Variants in TRPC5 observed in about 807,000 individuals in gnomAD.
TRPC5 encodes transient receptor potential cation channel subfamily C member 5.
TRPC5 carries 9 observed loss-of-function variants against 56.5 expected under a neutral mutation model. The observed-to-expected ratio is 0.16, with a 90% CI of 0.10 to 0.28. The LOEUF (loss-of-function observed/expected upper bound fraction) is 0.28, where lower values mean the gene tolerates loss of function less well. Ranked by LOEUF, TRPC5 falls within the 10% of genes least tolerant of loss-of-function variation. TRPC5 has a pLI of 1.00. For synonymous variants in TRPC5, 282 were observed against 278.5 expected (o/e 1.01, Z -0.13); for missense variants, 469 against 748.9 (o/e 0.63, Z 4.36).
intron 2 of TRPC5, among the ~76,000 whole-genome samples, chrX:111,936,547 A>C (rs1314894011): frequency 9.3e-6 from 1 of 107,533 alleles, no homozygotes; most frequent in Non-Finnish European, 1.9e-5. Context: ...TCCTGTGTCC[A>C]TGTGTTCTCA....
intron 2 of TRPC5, among the ~76,000 whole-genome samples, chrX:111,938,741 C>T (rs139371855): frequency 0.026 from 2,954 of 111,723 alleles, 107 homozygotes; most frequent in African/African-American, 0.091. Flanking sequence ...CTGCTGGATT[C>T]GGTTTGTCAG....
intron 1 of TRPC5, among the ~76,000 whole-genome samples, chrX:112,013,196 G>C (rs1285659253): frequency 9.0e-6 from 1 of 111,343 alleles, no homozygotes; most frequent in Non-Finnish European, 1.9e-5. Context: ...TATCACACAG[G>C]CTGGAGTGCA....
intron 7 of TRPC5, among the ~76,000 whole-genome samples, chrX:111,785,635 C>G (rs1024703633): frequency 2.7e-5 from 3 of 111,443 alleles, no homozygotes; most frequent in Admixed American, 9.5e-5. Context: ...GGAGGATGTT[C>G]GAACCCATCA....
At chrX:112,047,083 T>C (rs1380820281) in intron 1 of TRPC5, among the ~76,000 whole-genome samples, 2 of 111,475 alleles carry the variant, frequency 1.8e-5, no homozygotes, top group African/African-American at 6.5e-5. Context: ...AAATCTTCAG[T>C]ATGTAGCAAA....
At chrX:111,837,158 C>T (rs761335779) in intron 6 of TRPC5, among the ~76,000 whole-genome samples, 16 of 112,044 alleles carry the variant, frequency 1.4e-4, no homozygotes, top group Non-Finnish European at 2.8e-4. Context: ...GTTCAGGGGC[C>T]AGGGCACAAG....
At chrX:112,057,912 G>A (rs1364984728) in intron 1 of TRPC5, among the ~76,000 whole-genome samples, 1 of 111,650 alleles carries the variant, frequency 9.0e-6, no homozygotes, top group Non-Finnish European at 1.9e-5. Context: ...CACCCAAGAT[G>A]GCTTCATTTC....
At chrX:111,914,495 G>A (rs1925916817) in intron 2 of TRPC5, among the ~76,000 whole-genome samples, 1 of 111,989 alleles carries the variant, frequency 8.9e-6, no homozygotes, top group African/African-American at 3.2e-5. Flanking sequence ...CTCAAACAGG[G>A]AAGTGGCCAG....
intron 2 of TRPC5, among the ~76,000 whole-genome samples, chrX:111,948,529 C>A (rs1355755524): frequency 9.1e-6 from 1 of 110,290 alleles, no homozygotes; most frequent in East Asian, 2.8e-4. Context: ...CTCAGGAGTT[C>A]GAGACCAGCC....
chrX:111,856,972 C>T (rs1923256596), intron 3 of TRPC5, among the ~76,000 whole-genome samples: 1 of 111,076 alleles, frequency 9.0e-6, no homozygotes, highest in Non-Finnish European at 1.9e-5. Context: ...AAGTTCTACT[C>T]TGTTTTTTAA....
chrX:111,855,076 C>T (rs1303369243), intron 3 of TRPC5, among the ~76,000 whole-genome samples: 1 of 112,243 alleles, frequency 8.9e-6, no homozygotes, highest in Non-Finnish European at 1.9e-5. Context: ...CCCCAGCTTC[C>T]CATGGGACAG....
Position 111,769,648 on chromosome X carries a change from A to T in TRPC5, c.*6665T>A, listed in dbSNP as rs1320480198. ...TCCTCAATAAAGTTAATTAGGGGAA[A>T]AAAACTAGATTCCCAAGAACAGTTC... On this transcript the variant is annotated 3_prime_UTR_variant, in exon 11 of 11. Transcript: ENST00000262839. 1.8e-5 allele frequency among the ~76,000 whole-genome samples: 2 copies of T among 112,038 alleles called. No homozygotes were observed. The highest frequency in any genetic ancestry group is 3.8e-5 in the Non-Finnish European group (2 of 53,161).
At chrX:111,967,464 A>T (rs1217532222) in intron 1 of TRPC5, among the ~76,000 whole-genome samples, 1 of 111,901 alleles carries the variant, frequency 8.9e-6, no homozygotes, top group Non-Finnish European at 1.9e-5. Flanking sequence ...TTCTTCACAG[A>T]ACTGGAAAAA....
At chrX:112,066,627 C>T (rs1032196745) in intron 1 of TRPC5, among the ~76,000 whole-genome samples, 2 of 112,417 alleles carry the variant, frequency 1.8e-5, no homozygotes, top group African/African-American at 6.5e-5. Context: ...AGGCAATTTA[C>T]CTAATGTCCC....
At chrX:111,827,664 C>T (rs192398432) in intron 7 of TRPC5, among the ~76,000 whole-genome samples, 5 of 112,020 alleles carry the variant, frequency 4.5e-5, no homozygotes, top group Non-Finnish European at 9.4e-5. Context: ...CATGACCAAC[C>T]TGGCCAAAAC....
chrX:111,998,918 A>T (rs762154743), intron 1 of TRPC5, among the ~76,000 whole-genome samples: 3 of 110,163 alleles, frequency 2.7e-5, no homozygotes, highest in Non-Finnish European at 5.6e-5. Flanking sequence ...ATTGAACACT[A>T]TAAGTTATTT....
chrX:112,037,394 T>C lies in TRPC5; in HGVS notation c.-22+44485A>G, dbSNP rs749903309. Among the ~76,000 whole-genome samples, 5 of 112,091 alleles carry C rather than the reference T, an allele frequency of 4.5e-5. No homozygotes were observed. The South Asian group carries it at 1.1e-3, about 25-fold the overall frequency. On this transcript the variant is annotated intron_variant, in intron 1 of 10. Transcript: ENST00000262839. ...CCCTATGCACCACTGTCACCAAAGATTGGCAAAAATAGTTAATCATATTTG... is the reference window on the plus strand; with the variant it reads ...CCCTATGCACCACTGTCACCAAAGACTGGCAAAAATAGTTAATCATATTTG...
At position 111,770,974 on chromosome X, in the gene TRPC5, C is replaced by G. The variant is rs1945840185; in HGVS notation, c.*5339G>C. Among the ~76,000 whole-genome samples the G allele has an allele frequency of 8.9e-6, 1 of 111,795 alleles. No individual in the cohort carries two copies. Among genetic ancestry groups the G allele is most frequent in the South Asian group, 3.7e-4 (1 of 2,688 alleles). On this transcript the variant is annotated 3_prime_UTR_variant, in exon 11 of 11. Transcript: ENST00000262839. ...TAAGCTCCTGGGATGTTAGGTTGCC[C>G]CAAAACCTGCTAAAGTCAAAGGGCA...
intron 6 of TRPC5, among the ~76,000 whole-genome samples, chrX:111,841,301 A>G (rs1226147769): frequency 8.9e-6 from 1 of 112,188 alleles, no homozygotes; most frequent in Non-Finnish European, 1.9e-5. Context: ...GCAGCTGTAT[A>G]CAACAAATCT....
chrX:111,866,599 A>G (rs771057204), intron 3 of TRPC5, among the ~76,000 whole-genome samples: 1 of 112,689 alleles, frequency 8.9e-6, no homozygotes, highest in African/African-American at 3.2e-5. Flanking sequence ...CTGTGTTGTC[A>G]ATGGAGGGGC....
Sources: gnomAD v4.1 joint callset for allele counts (sites outside exome capture counted in the v4.1 genomes callset) on GRCh38, gnomAD v4.1.1 for gene constraint, MANE v1.5 for transcripts, NCBI Gene and HGNC (gene_info 2026-07-23, HGNC 2026-07-21) for gene names.